SRD5A2: variants seen among roughly 807,000 people sequenced by gnomAD.
The protein encoded by SRD5A2 is steroid 5 alpha-reductase 2.
In SRD5A2, 30 loss-of-function variants were observed where a neutral mutation model predicts 27.4. The ratio of observed to expected loss-of-function variants is 1.10; its 90% CI spans 0.82 to 1.49. SRD5A2 has a LOEUF of 1.49. SRD5A2 is among the 40% of genes most tolerant of loss of function. The probability of loss-of-function intolerance (pLI) is 0.00; values close to 1 mark genes in which losing one functional copy is unlikely to be tolerated. For synonymous variants in SRD5A2, 141 were observed against 133.6 expected, an observed-to-expected ratio of 1.06 and a Z score of -0.38; for missense variants, 348 against 323.4, an observed-to-expected ratio of 1.08 and a Z score of -0.58.
At chr2:31,608,106 CA>C in the SRD5A2 span, among the ~76,000 whole-genome samples, 3 of 152,080 alleles carry the variant, frequency 2.0e-5, no homozygotes, top group East Asian at 5.8e-4. Context: ...TATAGTATTC[CA>C]TTATAGCAGC....
At chr2:31,646,165 G>A in the SRD5A2 span, among the ~76,000 whole-genome samples, 1 of 150,994 alleles carries the variant, frequency 6.6e-6, no homozygotes, top group Non-Finnish European at 1.5e-5. Context: ...GTGTGTGCGT[G>A]CACACACACA....
At chr2:31,627,285 G>C in the SRD5A2 span, among the ~76,000 whole-genome samples, 21 of 152,088 alleles carry the variant, frequency 1.4e-4, no homozygotes, top group Admixed American at 1.1e-3. Flanking sequence ...AGGGTGTTTT[G>C]TATTTCTGTG....
At chr2:31,618,325 C>T in the SRD5A2 span, among the ~76,000 whole-genome samples, 2 of 152,182 alleles carry the variant, frequency 1.3e-5, no homozygotes, top group South Asian at 2.1e-4. Context: ...CACAGCCAAA[C>T]CATATCAGTA....
At chr2:31,555,661 T>C (rs1210589019) in intron 1 of SRD5A2, among the ~76,000 whole-genome samples, 3 of 152,182 alleles carry the variant, frequency 2.0e-5, no homozygotes, top group African/African-American at 7.2e-5. Context: ...GACCTGAAGC[T>C]GGAATTTTCC....
intron 1 of SRD5A2, among the ~76,000 whole-genome samples, chr2:31,557,627 A>C (rs530268064): frequency 7.0e-4 from 107 of 152,276 alleles, no homozygotes; most frequent in Non-Finnish European, 1.2e-3. Flanking sequence ...ATGGAGTAGG[A>C]ATGGATGAGA....
chr2:31,587,156 T>C, the SRD5A2 span, among the ~76,000 whole-genome samples: 2 of 152,226 alleles, frequency 1.3e-5, no homozygotes, highest in African/African-American at 2.4e-5. Context: ...TCATCATCAC[T>C]GATCATTAGA....
At chr2:31,592,714 C>G in the SRD5A2 span, among the ~76,000 whole-genome samples, 2 of 152,278 alleles carry the variant, frequency 1.3e-5, no homozygotes, top group South Asian at 4.1e-4. Flanking sequence ...GCCTTGACTT[C>G]CAGATCTTTC....
chr2:31,637,745 C>A, the SRD5A2 span, among the ~76,000 whole-genome samples: 4 of 152,056 alleles, frequency 2.6e-5, no homozygotes, highest in Non-Finnish European at 5.9e-5. Context: ...CAAGAACCCT[C>A]CCAAGCTGAG....
intron 4 of SRD5A2, chr2:31,526,963 A>T (rs1278620355): frequency 6.6e-6 from 1 of 152,266 alleles, no homozygotes; most frequent in African/African-American, 2.4e-5. Flanking sequence ...GGCCATGTGA[A>T]GACGGAGGCA....
intron 3 of SRD5A2, 127 bp from the exon 4 acceptor site, chr2:31,529,584 G>T: frequency 1.5e-6 from 2 of 1,290,472 alleles, no homozygotes; most frequent in Non-Finnish European, 2.1e-6. Flanking sequence ...TCCCTCCATA[G>T]TCATAGGAGT....
At chr2:31,655,816 C>G in the SRD5A2 span, among the ~76,000 whole-genome samples, 3 of 152,168 alleles carry the variant, frequency 2.0e-5, no homozygotes, top group Non-Finnish European at 4.4e-5. Flanking sequence ...GCTTCCCCCA[C>G]TCCACTGGAA....
intron 1 of SRD5A2, among the ~76,000 whole-genome samples, chr2:31,562,472 T>A (rs924921095): frequency 6.6e-6 from 1 of 152,276 alleles, no homozygotes; most frequent in South Asian, 2.1e-4. Context: ...CTAGAACTTA[T>A]TCATTCAATC....
the SRD5A2 span, among the ~76,000 whole-genome samples, chr2:31,609,512 G>A: frequency 6.6e-6 from 1 of 152,116 alleles, no homozygotes; most frequent in African/African-American, 2.4e-5. Flanking sequence ...ATTCGATGGG[G>A]AAAGAATAGT....
intron 1 of SRD5A2, among the ~76,000 whole-genome samples, chr2:31,562,470 T>C (rs896477257): frequency 6.6e-6 from 1 of 152,150 alleles, no homozygotes; most frequent in African/African-American, 2.4e-5. Context: ...TACTAGAACT[T>C]ATTCATTCAA....
At chr2:31,624,038 C>A in the SRD5A2 span, among the ~76,000 whole-genome samples, 1 of 152,088 alleles carries the variant, frequency 6.6e-6, no homozygotes, top group African/African-American at 2.4e-5. Context: ...CATCAACATT[C>A]ATTAAGGATA....
the SRD5A2 span, among the ~76,000 whole-genome samples, chr2:31,604,410 T>C: frequency 5.9e-5 from 9 of 151,930 alleles, no homozygotes; most frequent in Non-Finnish European, 1.2e-4. Flanking sequence ...TTTACAAAAA[T>C]TATTAGATAC....
chr2:31,634,824 G>T, the SRD5A2 span, among the ~76,000 whole-genome samples: 2 of 151,980 alleles, frequency 1.3e-5, no homozygotes, highest in African/African-American at 4.8e-5. Context: ...TTAACATAAT[G>T]ACCTCCCATT....
chr2:31,580,628 G>A lies in SRD5A2; in HGVS notation c.273C>T (p.Tyr91=), dbSNP rs61750390. 309 of 1,565,264 alleles carry A rather than the reference G, an allele frequency of 2.0e-4. No individual in the cohort carries two copies. Among genetic ancestry groups the A allele is most frequent in the Non-Finnish European group, 2.6e-4 (307 of 1,161,296 alleles). Residue 91 remains tyrosine, a synonymous_variant, in exon 1 of 5, where the codon TAC becomes TAT. Transcript: ENST00000622030. ...TVLLGLFCLH[Y]FHRTFVYSLL... is the part of the protein sequence containing the mutation. Reference sequence around the variant, plus strand: ...CAAGGGAAAAACGCTACCTGTGGAAGTAATGTAGGCAGAAGAGGCCCAGAA... The same window carrying A: ...CAAGGGAAAAACGCTACCTGTGGAAATAATGTAGGCAGAAGAGGCCCAGAA...
At chr2:31,603,294 G>GA in the SRD5A2 span, among the ~76,000 whole-genome samples, 12 of 151,546 alleles carry the variant, frequency 7.9e-5, no homozygotes, top group South Asian at 2.1e-4. Context: ...CATACATGTG[G>GA]AAAAAAAAGC....
Sources: gnomAD v4.1 joint callset for allele counts (sites outside exome capture counted in the v4.1 genomes callset) on GRCh38, gnomAD v4.1.1 for gene constraint, MANE v1.5 for transcripts, NCBI Gene and HGNC (gene_info 2026-07-23, HGNC 2026-07-21) for gene names.